Variants in PCSK5 observed in about 807,000 individuals in gnomAD.
PCSK5 encodes proprotein convertase subtilisin/kexin type 5, also known as prohormone convertase 5.
A neutral mutation model predicts 233.2 loss-of-function variants in PCSK5; 129 were observed. The observed-to-expected ratio is 0.55, with a 90% confidence interval of 0.48 to 0.64. PCSK5 has a LOEUF of 0.64. Ranked by LOEUF, PCSK5 falls within the 30% of genes least tolerant of loss-of-function variation. The probability of loss-of-function intolerance (pLI) is 0.00; values close to 1 mark genes in which losing one functional copy is unlikely to be tolerated. For synonymous variants in PCSK5, 825 were observed against 879.2 expected, an observed-to-expected ratio of 0.94 and a Z score of 1.09; for missense variants, 2,076 against 2,430.1, an observed-to-expected ratio of 0.85 and a Z score of 3.06.
At chr9:76,228,952 G>T (rs1336922285) in intron 21 of PCSK5, among the ~76,000 whole-genome samples, 2 of 152,096 alleles carry the variant, frequency 1.3e-5, no homozygotes, top group East Asian at 1.9e-4. Context: ...ATGAAGTGTG[G>T]AATCAATATC....
chr9:76,027,405 C>G (rs1279699681), intron 5 of PCSK5, among the ~76,000 whole-genome samples: 1 of 152,106 alleles, frequency 6.6e-6, no homozygotes, highest in Non-Finnish European at 1.5e-5. Flanking sequence ...AAATTCAACA[C>G]ATGATTGAAT....
intron 9 of PCSK5, 143 bp downstream of exon 9, chr9:76,107,494 G>C (rs577010396): frequency 4.0e-6 from 2 of 502,304 alleles, no homozygotes; most frequent in Non-Finnish European, 6.9e-6. Context: ...CAAAGGTTTG[G>C]GCTTTTTAAA....
intron 3 of PCSK5, among the ~76,000 whole-genome samples, chr9:75,993,233 ACCT>A (rs1005319241): frequency 6.6e-6 from 1 of 151,958 alleles, no homozygotes; most frequent in African/African-American, 2.4e-5. Flanking sequence ...CAAGCAGGAG[ACCT>A]CCTGAGAAAG....
chr9:75,943,124 A>T (rs996252904), intron 2 of PCSK5, among the ~76,000 whole-genome samples: 2 of 151,862 alleles, frequency 1.3e-5, no homozygotes, highest in African/African-American at 4.8e-5. Context: ...ACCTCAGGTG[A>T]TCCACCCGCC....
intron 3 of PCSK5, among the ~76,000 whole-genome samples, chr9:76,004,504 T>A (rs1006009930): frequency 1.3e-5 from 2 of 152,228 alleles, no homozygotes; most frequent in African/African-American, 4.8e-5. Flanking sequence ...CACGTGCATA[T>A]CCTATTCCCT....
intron 2 of PCSK5, among the ~76,000 whole-genome samples, chr9:75,956,079 T>G (rs142395374): frequency 0.012 from 1,839 of 152,302 alleles, 33 homozygotes; most frequent in African/African-American, 0.041. Flanking sequence ...CTCTAACTCT[T>G]CAGTCATTCC....
intron 1 of PCSK5, among the ~76,000 whole-genome samples, chr9:75,914,124 A>G (rs868595922): frequency 6.6e-6 from 1 of 152,324 alleles, no homozygotes; most frequent in South Asian, 2.1e-4. Flanking sequence ...TCGCTGTATC[A>G]TCATGTACCT....
chr9:75,938,195 C>T (rs748064987), intron 2 of PCSK5, among the ~76,000 whole-genome samples: 4 of 152,120 alleles, frequency 2.6e-5, no homozygotes, highest in Admixed American at 1.3e-4. Flanking sequence ...TAAGTGAGAC[C>T]GGAGTGACTC....
chr9:76,003,799 A>G (rs953413368), intron 3 of PCSK5, among the ~76,000 whole-genome samples: 12 of 147,418 alleles, frequency 8.1e-5, no homozygotes, highest in African/African-American at 2.8e-4. Context: ...TATTTATTCC[A>G]TCTCTCTCTC....
chr9:76,358,872 G>A lies in PCSK5; in HGVS notation c.5614G>A (p.Asp1872Asn). The A allele has an allele frequency of 6.2e-7, 1 of 1,612,872 alleles. No individual in the cohort carries two copies. The highest frequency in any genetic ancestry group is 8.5e-7 in the Non-Finnish European group (1 of 1,179,890). The change falls in exon 38 of 38, where the codon GAC becomes AAC. Residue 1872 changes from aspartate to asparagine, a missense_variant. This residue lies in a region of PCSK5 where 1,510 missense variants were observed against 1,538.1 expected (regional missense o/e 0.98). Coordinates refer to ENST00000674117, the MANE Select transcript of PCSK5 (RefSeq NM_001372043.1). ...KFKYGLLDDD[D>N]IDELEYDDES... ...TAAATATGGGCTGCTGGATGACGAT[G>A]ACATAGATGAGCTGGAATATGATGA...
At chr9:76,201,182 TC>T (rs1342208981) in intron 20 of PCSK5, among the ~76,000 whole-genome samples, 5 of 152,154 alleles carry the variant, frequency 3.3e-5, no homozygotes, top group Non-Finnish European at 7.3e-5. Flanking sequence ...CTCAGTACCA[TC>T]TTTTTCTCCT....
At chr9:76,197,237 C>T (rs7870493) in intron 20 of PCSK5, among the ~76,000 whole-genome samples, 10,103 of 152,164 alleles carry the variant, frequency 0.066, 581 homozygotes, top group African/African-American at 0.16. Flanking sequence ...ATTTGTACAC[C>T]TTGTAGAAGA....
chr9:75,936,743 A>G (rs898957631), intron 2 of PCSK5, among the ~76,000 whole-genome samples: 1 of 152,142 alleles, frequency 6.6e-6, no homozygotes, highest in Non-Finnish European at 1.5e-5. Flanking sequence ...TCCTGTTAAT[A>G]TTGCTATTTT....
intron 35 of PCSK5, among the ~76,000 whole-genome samples, chr9:76,341,955 T>G (rs531940226): frequency 6.6e-6 from 1 of 152,214 alleles, no homozygotes; most frequent in Non-Finnish European, 1.5e-5. Context: ...AAAACACTTT[T>G]AGTTCCTATT....
At chr9:76,332,385 CAT>C (rs750808866) in intron 33 of PCSK5, 46 bp from the exon 34 acceptor site, 10 of 1,437,164 alleles carry the variant, frequency 7.0e-6, no homozygotes, top group South Asian at 2.4e-5. Flanking sequence ...ACAGGGGAGA[CAT>C]GTGTCATGCT....
chr9:76,240,731 CT>C, intron 24 of PCSK5, 47 bp downstream of exon 24: 2 of 1,272,900 alleles, frequency 1.6e-6, no homozygotes, highest in Non-Finnish European at 2.2e-6. Context: ...TAGCTAAGTC[CT>C]TTTCCACACA....
chr9:76,332,724 T>C (rs1017392405), intron 34 of PCSK5, 114 bp downstream of exon 34: 7 of 773,476 alleles, frequency 9.1e-6, no homozygotes, highest in Non-Finnish European at 1.3e-5. Flanking sequence ...GGTTGAAGTC[T>C]CAGTGCTAGT....
intron 10 of PCSK5, among the ~76,000 whole-genome samples, chr9:76,156,266 T>C (rs1822575669): frequency 6.6e-6 from 1 of 152,224 alleles, no homozygotes; most frequent in South Asian, 2.1e-4. Flanking sequence ...AGTATTCCTA[T>C]ATCTAATTGA....
intron 20 of PCSK5, among the ~76,000 whole-genome samples, chr9:76,215,785 C>G (rs1825504474): frequency 6.6e-6 from 1 of 151,984 alleles, no homozygotes; most frequent in Non-Finnish European, 1.5e-5. Flanking sequence ...ACCAAAAATA[C>G]AAAAATTAGC....
Sources: allele counts gnomAD v4.1 joint callset (sites outside exome capture counted in the v4.1 genomes callset), GRCh38; gene constraint gnomAD v4.1.1; regional missense constraint gnomAD v4.1.1; transcripts MANE v1.5; gene names NCBI Gene and HGNC (gene_info 2026-07-23, HGNC 2026-07-21).